The following GRIP1 variants were observed in gnomAD, a reference collection of about 807,000 sequenced individuals.
GRIP1 encodes glutamate receptor-interacting protein 1.
In GRIP1, 45 loss-of-function variants were observed where a neutral mutation model predicts 129.9. That is an observed-to-expected ratio of 0.35 (90% CI 0.27 to 0.44). The LOEUF (loss-of-function observed/expected upper bound fraction) is 0.44. Ranked by LOEUF, GRIP1 falls within the 20% of genes least tolerant of loss-of-function variation. GRIP1 has a pLI of 1.00. For synonymous variants in GRIP1, 530 were observed against 520.8 expected, an observed-to-expected ratio of 1.02 and a Z score of -0.24; for missense variants, 1,196 against 1,396.8, an observed-to-expected ratio of 0.86 and a Z score of 2.29.
At chr12:66,735,618 G>GA (rs1280204112) in intron 1 of GRIP1, among the ~76,000 whole-genome samples, 1 of 151,924 alleles carries the variant, frequency 6.6e-6, no homozygotes, top group Admixed American at 6.6e-5. Flanking sequence ...AGCAGGAGGG[G>GA]AAAAAAAGAA....
chr12:66,823,289 T>C (rs1206055522), intron 1 of GRIP1, among the ~76,000 whole-genome samples: 1 of 152,204 alleles, frequency 6.6e-6, no homozygotes, highest in Non-Finnish European at 1.5e-5. Flanking sequence ...AAAGAACTGT[T>C]TTTTTATAAT....
At chr12:66,442,971 G>A (rs1038904715) in intron 13 of GRIP1, among the ~76,000 whole-genome samples, 8 of 152,058 alleles carry the variant, frequency 5.3e-5, no homozygotes, top group Middle Eastern at 3.4e-3. Flanking sequence ...GGGCATAACT[G>A]GCCCATGGTA....
intron 1 of GRIP1, among the ~76,000 whole-genome samples, chr12:66,699,882 G>A (rs1208035274): frequency 1.3e-5 from 2 of 152,104 alleles, no homozygotes; most frequent in African/African-American, 2.4e-5. Flanking sequence ...AATGAAGGGC[G>A]GGAAGGAGTC....
rs576791551 is a variant in GRIP1 at position 66,539,349 on chromosome 12, A to G, written c.273-126T>C. Reference sequence around the variant, plus strand: ...GCAAGCCTAGAAGGCTGACAGCAGAAGTCCCTGCCTCCTAGGAGACGGTGG... The same window carrying G: ...GCAAGCCTAGAAGGCTGACAGCAGAGGTCCCTGCCTCCTAGGAGACGGTGG... On this transcript the variant is annotated intron_variant, in intron 3 of 24. Transcript: ENST00000359742. 8.4e-5 allele frequency: 103 copies of G among 1,226,072 alleles called. 1 individual carries two copies. The South Asian group carries it at 1.2e-3, about 15-fold the overall frequency. The allele number at this position is 1,226,072 out of a possible 1,614,324, so 75.9% of individuals were successfully genotyped here. A position where few individuals can be genotyped will look rare whatever the true frequency, so the allele number is the denominator to read the frequency against.
intron 15 of GRIP1, among the ~76,000 whole-genome samples, chr12:66,414,932 T>A (rs866564783): frequency 1.6e-5 from 2 of 121,948 alleles, no homozygotes; most frequent in African/African-American, 7.4e-5. Flanking sequence ...TTACACCTTA[T>A]ATAAAATAAA....
chr12:66,794,173 T>C (rs994190940), intron 1 of GRIP1, among the ~76,000 whole-genome samples: 3 of 152,202 alleles, frequency 2.0e-5, no homozygotes, highest in Non-Finnish European at 4.4e-5. Flanking sequence ...GAATCATTGA[T>C]ATGGCAAACT....
At chr12:66,424,455 C>T (rs567383091) in intron 14 of GRIP1, among the ~76,000 whole-genome samples, 20 of 152,184 alleles carry the variant, frequency 1.3e-4, no homozygotes, top group African/African-American at 3.6e-4. Context: ...ACTATTACTA[C>T]CAAATTATTT....
chr12:66,605,989 G>C (rs1158842088), intron 1 of GRIP1, among the ~76,000 whole-genome samples: 1 of 152,024 alleles, frequency 6.6e-6, no homozygotes, highest in African/African-American at 2.4e-5. Context: ...TTCTTCCCAG[G>C]GTCATTGATT....
chr12:66,749,177 T>C (rs1284896111), intron 1 of GRIP1, among the ~76,000 whole-genome samples: 2 of 152,226 alleles, frequency 1.3e-5, no homozygotes, highest in Non-Finnish European at 2.9e-5. Flanking sequence ...ATCTCCTTCA[T>C]TAGAATGTGA....
chr12:67,034,887 C>T (rs1475350097), intron 1 of GRIP1, among the ~76,000 whole-genome samples: 4 of 152,150 alleles, frequency 2.6e-5, no homozygotes, highest in African/African-American at 2.4e-5. Flanking sequence ...CCACCTTTGC[C>T]GGTTTGGGTA....
chr12:66,926,776 C>T (rs2137385054), intron 1 of GRIP1, among the ~76,000 whole-genome samples: 1 of 152,298 alleles, frequency 6.6e-6, no homozygotes, highest in South Asian at 2.1e-4. Context: ...TGAGACAAGG[C>T]ACATTTCACT....
At chr12:66,437,734 A>T (rs1393097392) in intron 13 of GRIP1, among the ~76,000 whole-genome samples, 1 of 152,130 alleles carries the variant, frequency 6.6e-6, no homozygotes, top group East Asian at 1.9e-4. Context: ...GACAACTGGA[A>T]TGTAGTGAGT....
chr12:66,960,639 G>A (rs936609434), intron 1 of GRIP1, among the ~76,000 whole-genome samples: 5 of 152,036 alleles, frequency 3.3e-5, no homozygotes, highest in African/African-American at 7.2e-5. Context: ...AAGGGTCCTC[G>A]GCTACAACTT....
chr12:66,633,925 C>CA (rs2031097277), intron 1 of GRIP1, among the ~76,000 whole-genome samples: 1 of 152,174 alleles, frequency 6.6e-6, no homozygotes, highest in Non-Finnish European at 1.5e-5. Flanking sequence ...TCAAAAGAGT[C>CA]AGAGTCCAGG....
intron 9 of GRIP1, among the ~76,000 whole-genome samples, chr12:66,460,024 C>T (rs1360163476): frequency 6.6e-6 from 1 of 152,132 alleles, no homozygotes; most frequent in Non-Finnish European, 1.5e-5. Flanking sequence ...TTAGCTCAGA[C>T]AATGTTCACA....
chr12:66,509,565 A>G (rs2060633897), intron 7 of GRIP1, among the ~76,000 whole-genome samples: 1 of 152,198 alleles, frequency 6.6e-6, no homozygotes. Context: ...CATTAATCAC[A>G]GACTGGATAA....
At chr12:66,700,197 G>A (rs1032176467) in intron 1 of GRIP1, among the ~76,000 whole-genome samples, 2 of 152,160 alleles carry the variant, frequency 1.3e-5, no homozygotes, top group Non-Finnish European at 2.9e-5. Flanking sequence ...GGGGAAAGAT[G>A]TTCCAGGCAG....
At chr12:66,798,801 TATA>T (rs1194013976) in intron 1 of GRIP1, among the ~76,000 whole-genome samples, 2 of 152,166 alleles carry the variant, frequency 1.3e-5, no homozygotes, top group African/African-American at 4.8e-5. Flanking sequence ...CATCTGTAAA[TATA>T]ATATCATATT....
chr12:66,936,012 GAAACAAAC>G lies in GRIP1; in HGVS notation c.58+133030_58+133037del, dbSNP rs199751270. 9.9e-3 allele frequency among the ~76,000 whole-genome samples: 1,506 copies of G among 152,224 alleles called. 13 individuals are homozygous for G. Among genetic ancestry groups the G allele is most frequent in the Middle Eastern group, 0.058 (17 of 294 alleles). On this transcript the variant is annotated intron_variant, in intron 1 of 1. Coordinates refer to the GRIP1 transcript ENST00000643019. ...TTAGTCTGCTTTAACACCATGTAAT[GAAACAAAC>G]AAACAAACAACAACAACAAAAACTC...
Sources: allele counts gnomAD v4.1 joint callset (sites outside exome capture counted in the v4.1 genomes callset), GRCh38; gene constraint gnomAD v4.1.1; transcripts MANE v1.5; gene names NCBI Gene and HGNC (gene_info 2026-07-23, HGNC 2026-07-21).